The following WBP2 variants were observed in gnomAD, a reference collection of about 807,000 sequenced individuals.
The protein encoded by WBP2 is WW domain binding protein 2.
Under a neutral mutation model 33.0 loss-of-function variants are expected in WBP2, and 23 were observed. The ratio of observed to expected loss-of-function variants is 0.70; its 90% CI spans 0.50 to 0.99. WBP2 has a LOEUF of 0.99. Ranked by LOEUF, WBP2 falls within the 50% of genes least tolerant of loss-of-function variation. The pLI, the probability that WBP2 is intolerant of heterozygous loss-of-function variation, is 0.00. For synonymous variants in WBP2, 153 were observed against 133.5 expected (o/e 1.15, Z -1.01); for missense variants, 353 against 358.0 (o/e 0.99, Z 0.11).
In WBP2 at chr17:75,846,608, G is replaced by C. The variant is rs569387245; in HGVS notation, c.*126C>G. 9 of 1,201,174 alleles carry C rather than the reference G, an allele frequency of 7.5e-6. No individual in the cohort carries two copies. In the East Asian group the frequency reaches 2.3e-4, roughly 31 times the overall value. The allele number at this position is 1,201,174 out of a possible 1,614,324, so 74.4% of individuals were successfully genotyped here. A position where few individuals can be genotyped will look rare whatever the true frequency, so the allele number is the denominator to read the frequency against. ...TAATGTCCCACAATGCTAGTTCCTG[G>C]TAATTGTTTATGATCAGACCTGGAG... On this transcript the variant is annotated 3_prime_UTR_variant, in exon 8 of 8. Transcript: ENST00000254806. The surrounding 1 kb of genome is among the most constrained non-coding windows in gnomAD (Gnocchi z 4.8).
chr17:75,848,442 G>T, intron 4 of WBP2, 128 bp downstream of exon 4: 1 of 837,202 alleles, frequency 1.2e-6, no homozygotes, highest in Non-Finnish European at 1.9e-6. Flanking sequence ...TCCTAGGCCT[G>T]GTCAGCCTGG....
chr17:75,848,202 G>A, intron 4 of WBP2: 1 of 595,156 alleles, frequency 1.7e-6, no homozygotes, highest in Non-Finnish European at 3.0e-6. Flanking sequence ...TCAGGGCTGG[G>A]GTAGGAGTGA....
At chr17:75,847,225 C>T in intron 6 of WBP2, 1 of 681,054 alleles carries the variant, frequency 1.5e-6, no homozygotes. Context: ...TGTGACCGAC[C>T]AGCTGAGTGT....
chr17:75,846,672 A>C lies in WBP2; in HGVS notation c.*62T>G, dbSNP rs114129161. The C allele has an allele frequency of 7.0e-4, 1,053 of 1,500,018 alleles. 2 individuals carry two copies. In the African/African-American group the frequency reaches 0.013, roughly 19 times the overall value. 92.9% of individuals were successfully genotyped at this position (1,500,018 alleles called of 1,614,324 possible). ...CCCCCTCCCCTCCCCAAGCCCCAGC[A>C]CAGCCCCGATGGGAGGGGTAGGGTA... On this transcript the variant is annotated 3_prime_UTR_variant, in exon 8 of 8. Transcript: ENST00000254806. This position sits in a 1 kb window ranked among gnomAD's most constrained non-coding sequence, Gnocchi z 4.8.
chr17:75,847,039 A>G (rs1322857345), intron 6 of WBP2, 55 bp from the exon 7 acceptor site: 26 of 1,605,926 alleles, frequency 1.6e-5, no homozygotes, highest in Middle Eastern at 1.6e-4. Flanking sequence ...CCCTGAGCTC[A>G]GCTAAGAGAC....
At chr17:75,847,755 G>T in intron 5 of WBP2, 41 bp downstream of exon 5, 1 of 1,535,954 alleles carries the variant, frequency 6.5e-7, no homozygotes, top group Non-Finnish European at 8.8e-7. Flanking sequence ...CTGGGTAGGT[G>T]GGCTCATGAG....
At chr17:75,855,530 G>C (rs2065053562), upstream of WBP2, 1 of 574,572 alleles carries the variant, frequency 1.7e-6, no homozygotes. Flanking sequence ...CGCCCCCGCA[G>C]CCTCGGCCTG....
intron 4 of WBP2, chr17:75,848,319 G>A: frequency 1.7e-6 from 1 of 593,066 alleles, no homozygotes; most frequent in Non-Finnish European, 3.0e-6. Flanking sequence ...ATAGTAAAGT[G>A]TCCTTGAGTC....
Position 75,846,710 on chromosome 17 carries a change from T to TGGGAGGCA in WBP2, c.*16_*23dup. ...GAGGGGTAGGGTAGAGAGATGAGGG[T>TGGGAGGCA]GGGAGGCAGGGAGGCAGGAGGGCCT... is the stretch of plus-strand genomic sequence containing the variant. On this transcript the variant is annotated 3_prime_UTR_variant, in exon 8 of 8. Coordinates refer to ENST00000254806, the MANE Select transcript of WBP2 (RefSeq NM_012478.4). The surrounding 1 kb of genome is among the most constrained non-coding windows in gnomAD (Gnocchi z 4.8). The TGGGAGGCA allele has an allele frequency of 6.6e-7, 1 of 1,507,472 alleles. No individual in the cohort carries two copies. The highest frequency in any genetic ancestry group is 2.4e-5 in the East Asian group (1 of 41,186). 93.4% of individuals were successfully genotyped at this position (1,507,472 alleles called of 1,614,324 possible). A position where few individuals can be genotyped will look rare whatever the true frequency, so the allele number is the denominator to read the frequency against.
rs1167885651 is a variant in WBP2, at chr17:75,846,703, A to G, written c.*31T>C. ...CCGATGGGAGGGGTAGGGTAGAGAG[A>G]TGAGGGTGGGAGGCAGGGAGGCAGG... is the stretch of plus-strand genomic sequence containing the variant. On this transcript the variant is annotated 3_prime_UTR_variant, in exon 8 of 8. Coordinates refer to ENST00000254806, the MANE Select transcript of WBP2 (RefSeq NM_012478.4). The surrounding 1 kb of genome is among the most constrained non-coding windows in gnomAD (Gnocchi z 4.8). 1 of 1,507,634 alleles carries G rather than the reference A, an allele frequency of 6.6e-7. No homozygotes were observed. The highest frequency in any genetic ancestry group is 8.9e-7 in the Non-Finnish European group (1 of 1,124,282). 93.4% of individuals were successfully genotyped at this position (1,507,634 alleles called of 1,614,324 possible).
chr17:75,852,957 T>G (rs1324600100), intron 1 of WBP2: 1 of 185,454 alleles, frequency 5.4e-6, no homozygotes, highest in Non-Finnish European at 1.0e-5. Context: ...GTATGTCATA[T>G]GTGCATTTTT....
At chr17:75,848,385 T>C in intron 4 of WBP2, 185 bp downstream of exon 4, 2 of 621,600 alleles carry the variant, frequency 3.2e-6, no homozygotes, top group Non-Finnish European at 5.7e-6. Flanking sequence ...ACGCAGTCTC[T>C]GAGGTACAGG....
intron 5 of WBP2, 30 bp downstream of exon 5, chr17:75,847,766 G>A (rs1281904253): frequency 6.5e-7 from 1 of 1,542,964 alleles, no homozygotes; most frequent in Non-Finnish European, 8.8e-7. Context: ...GGCTCATGAG[G>A]GGAGTGGGGG....
At chr17:75,855,477 C>G, upstream of WBP2, 1 of 637,588 alleles carries the variant, frequency 1.6e-6, no homozygotes, top group Non-Finnish European at 2.8e-6. Context: ...CCAGTTCCTC[C>G]TGCGCAACAA....
intron 1 of WBP2, among the ~76,000 whole-genome samples, chr17:75,854,221 G>A (rs1381267088): frequency 6.6e-6 from 1 of 152,102 alleles, no homozygotes; most frequent in African/African-American, 2.4e-5. Context: ...CCAAGTCACA[G>A]GGCAGCTGGA....
chr17:75,847,446 G>A (rs757019098), intron 6 of WBP2, 41 bp downstream of exon 6: 4 of 1,574,480 alleles, frequency 2.5e-6, no homozygotes, highest in Non-Finnish European at 2.6e-6. Flanking sequence ...GGGGAGGAGA[G>A]GGCTGGTCCC....
At chr17:75,850,645 A>G (rs1157991115) in intron 2 of WBP2, among the ~76,000 whole-genome samples, 2 of 151,958 alleles carry the variant, frequency 1.3e-5, no homozygotes, top group African/African-American at 4.8e-5. Flanking sequence ...TTGTGAAGTC[A>G]TGGAGATTAA....
rs534877503 is a variant in WBP2, at chr17:75,855,225, C to A, written c.59+14G>T. ...GAACTTTGGTCCTCCAGGATCCTTC[C>A]GCAGTGTTTTCACCTCTCGGTGTTA... On this transcript the variant is annotated intron_variant, in intron 1 of 7. Transcript: ENST00000254806. 1 of 1,610,372 alleles carries A rather than the reference C, an allele frequency of 6.2e-7. No homozygotes were observed. Among genetic ancestry groups the A allele is most frequent in the South Asian group, 1.1e-5 (1 of 90,872 alleles).
intron 3 of WBP2, 83 bp downstream of exon 3, chr17:75,849,521 G>C: frequency 6.4e-7 from 1 of 1,557,006 alleles, no homozygotes; most frequent in Non-Finnish European, 8.8e-7. Context: ...GGTCTGAAGG[G>C]GACGCCCCCA....
Sources: gnomAD v4.1 joint callset for allele counts (sites outside exome capture counted in the v4.1 genomes callset) on GRCh38, gnomAD v4.1.1 for gene constraint, Gnocchi (gnomAD v3.1) non-coding constraint, MANE v1.5 for transcripts, NCBI Gene and HGNC (gene_info 2026-07-23, HGNC 2026-07-21) for gene names.